Variants in LRP1B observed in about 807,000 individuals in gnomAD.
The protein encoded by LRP1B is LDL receptor related protein 1B.
Under a neutral mutation model 556.6 loss-of-function variants are expected in LRP1B, and 217 were observed. The observed-to-expected ratio is 0.39, with a 90% CI of 0.35 to 0.44. The LOEUF (loss-of-function observed/expected upper bound fraction) is 0.44, where lower values mean the gene tolerates loss of function less well. Ranked by LOEUF, LRP1B falls within the 20% of genes least tolerant of loss-of-function variation. LRP1B has a pLI of 1.00. For missense variants in LRP1B, 5,053 were observed against 5,620.8 expected (o/e 0.90, Z 3.23); for synonymous variants, 2,047 against 1,865.8 (o/e 1.10, Z -2.50).
At chr2:141,730,677 C>T (rs907225428) in intron 2 of LRP1B, among the ~76,000 whole-genome samples, 2 of 151,976 alleles carry the variant, frequency 1.3e-5, no homozygotes, top group East Asian at 1.9e-4. Context: ...TCAGAGGAAA[C>T]GTTTGTTTCA....
chr2:140,393,045 TC>T (rs199882150), intron 66 of LRP1B, among the ~76,000 whole-genome samples: 2,211 of 152,076 alleles, frequency 0.015, 29 homozygotes, highest in Middle Eastern at 0.027. Flanking sequence ...TCCTCCCACC[TC>T]AGCTTCCCAA....
intron 15 of LRP1B, among the ~76,000 whole-genome samples, chr2:141,003,172 C>G (rs572014823): frequency 4.1e-4 from 62 of 152,066 alleles, no homozygotes; most frequent in Non-Finnish European, 8.8e-4. Flanking sequence ...AACAATGCAT[C>G]ATAAATAATC....
intron 7 of LRP1B, among the ~76,000 whole-genome samples, chr2:141,169,339 G>A (rs12105271): frequency 7.2e-6 from 1 of 139,414 alleles, no homozygotes; most frequent in Non-Finnish European, 1.5e-5. Context: ...AATAAATAAA[G>A]AAGAGATGGG....
intron 3 of LRP1B, among the ~76,000 whole-genome samples, chr2:141,332,483 T>C (rs1687690084): frequency 6.6e-6 from 1 of 151,416 alleles, no homozygotes; most frequent in African/African-American, 2.4e-5. Flanking sequence ...ATATGCATCA[T>C]CTAAGGCCCC....
intron 9 of LRP1B, among the ~76,000 whole-genome samples, chr2:141,055,802 A>ATGTG (rs10664722): frequency 0.14 from 21,071 of 145,388 alleles, 1,773 homozygotes; most frequent in East Asian, 0.35. Flanking sequence ...TTACCACAAA[A>ATGTG]TGTGTGTGTG....
intron 43 of LRP1B, among the ~76,000 whole-genome samples, chr2:140,590,330 C>G (rs1351570947): frequency 7.1e-6 from 1 of 139,916 alleles, no homozygotes; most frequent in Non-Finnish European, 1.6e-5. Context: ...ATAATGTATA[C>G]AAATGTGTGT....
chr2:141,337,968 G>A (rs1179377857), intron 3 of LRP1B, among the ~76,000 whole-genome samples: 1 of 152,132 alleles, frequency 6.6e-6, no homozygotes, highest in Non-Finnish European at 1.5e-5. Context: ...GTTATGAAGT[G>A]CTGGGTCTTA....
At chr2:140,883,755 A>C (rs75009429) in intron 25 of LRP1B, 62 bp downstream of exon 25, 6 of 1,473,876 alleles carry the variant, frequency 4.1e-6, no homozygotes. Context: ...ATTAAATTCA[A>C]TGTTAAATTG....
chr2:140,651,929 T>C (rs1055183863), intron 41 of LRP1B, among the ~76,000 whole-genome samples: 11 of 152,082 alleles, frequency 7.2e-5, no homozygotes, highest in Non-Finnish European at 1.6e-4. Context: ...AAAGGGAAAA[T>C]GAACTTCATT....
chr2:140,952,475 A>G (rs981879737), intron 18 of LRP1B, among the ~76,000 whole-genome samples: 4 of 152,156 alleles, frequency 2.6e-5, no homozygotes, highest in Non-Finnish European at 4.4e-5. Flanking sequence ...AGTTACAAAG[A>G]AAAGTATGAA....
chr2:142,081,002 T>A (rs1026741004), intron 1 of LRP1B, among the ~76,000 whole-genome samples: 3 of 152,152 alleles, frequency 2.0e-5, no homozygotes, highest in African/African-American at 4.8e-5. Flanking sequence ...GAATGCTGGA[T>A]CCAAAGTTTG....
intron 2 of LRP1B, among the ~76,000 whole-genome samples, chr2:141,506,770 A>T (rs1488635760): frequency 1.3e-5 from 2 of 152,122 alleles, no homozygotes; most frequent in African/African-American, 4.8e-5. Context: ...AATATCCTTT[A>T]AAGTCTAAAT....
At chr2:141,586,671 G>A (rs1347312282) in intron 2 of LRP1B, among the ~76,000 whole-genome samples, 1 of 152,100 alleles carries the variant, frequency 6.6e-6, no homozygotes, top group African/African-American at 2.4e-5. Flanking sequence ...GGCCGGGCGC[G>A]GTGGCTCACG....
intron 2 of LRP1B, among the ~76,000 whole-genome samples, chr2:141,692,571 C>T (rs558655054): frequency 1.1e-4 from 16 of 151,932 alleles, no homozygotes; most frequent in Non-Finnish European, 2.1e-4. Flanking sequence ...CTTCCATTGC[C>T]CCTGTTCTTA....
At position 141,040,459 on chromosome 2, in the gene LRP1B, T is replaced by A. The variant is rs552621709; in HGVS notation, c.1789+8527A>T. ...ATTGAAATCCAAGGGTAAGAGGTGA[T>A]TTAAAGGTGCAGAAAATGATAATCC... On this transcript the variant is annotated intron_variant, in intron 11 of 90. Coordinates refer to ENST00000389484, the MANE Select transcript of LRP1B (RefSeq NM_018557.3). 1.6e-4 allele frequency among the ~76,000 whole-genome samples: 24 copies of A among 152,070 alleles called. 1 individual carries two copies. The South Asian group carries it at 4.6e-3, about 29-fold the overall frequency.
At chr2:140,627,733 T>C (rs1371820813) in intron 41 of LRP1B, among the ~76,000 whole-genome samples, 3 of 152,102 alleles carry the variant, frequency 2.0e-5, no homozygotes, top group Admixed American at 6.5e-5. Context: ...ATTATTTATA[T>C]ATACAGAAAA....
intron 21 of LRP1B, among the ~76,000 whole-genome samples, chr2:140,915,206 A>G (rs984342687): frequency 3.3e-5 from 5 of 152,146 alleles, no homozygotes; most frequent in Non-Finnish European, 7.4e-5. Context: ...AGACAGGGAA[A>G]AGGTAATAAA....
chr2:141,479,157 T>C (rs534567595), intron 3 of LRP1B, among the ~76,000 whole-genome samples: 110 of 152,290 alleles, frequency 7.2e-4, no homozygotes, highest in African/African-American at 2.5e-3. Flanking sequence ...CTCTCAACAC[T>C]CTTACATCTT....
chr2:141,360,612 T>C (rs1169730251), intron 3 of LRP1B, among the ~76,000 whole-genome samples: 1 of 152,210 alleles, frequency 6.6e-6, no homozygotes, highest in Admixed American at 6.5e-5. Flanking sequence ...TGAACCACTG[T>C]ACTACCTCAA....
Sources: gnomAD v4.1 joint callset for allele counts (sites outside exome capture counted in the v4.1 genomes callset) on GRCh38, gnomAD v4.1.1 for gene constraint, MANE v1.5 for transcripts, NCBI Gene and HGNC (gene_info 2026-07-23, HGNC 2026-07-21) for gene names.